The following FGF14 variants were observed in gnomAD, a reference collection of about 807,000 sequenced individuals.
FGF14 encodes the protein fibroblast growth factor 14.
Under a neutral mutation model 25.5 loss-of-function variants are expected in FGF14, and 5 were observed. That is an observed-to-expected ratio of 0.20 (90% CI 0.10 to 0.41). The LOEUF is 0.41. Among genes scored for constraint, FGF14 ranks in the 10% least tolerant of loss-of-function variants. The pLI, the probability that FGF14 is intolerant of heterozygous loss-of-function variation, is 1.00. For missense variants in FGF14, 222 were observed against 320.1 expected (o/e 0.69, Z 2.34); for synonymous variants, 138 against 118.3 (o/e 1.17, Z -1.08).
At chr13:102,330,559 T>C (rs1166218115) in intron 1 of FGF14, among the ~76,000 whole-genome samples, 1 of 152,192 alleles carries the variant, frequency 6.6e-6, no homozygotes, top group East Asian at 1.9e-4. Flanking sequence ...ACACTGCCTA[T>C]ATTCTTGCTC....
At chr13:102,161,632 AAGAAGAAGAAG>A (rs2047712155) in intron 1 of FGF14, among the ~76,000 whole-genome samples, 22 of 12,078 alleles carry the variant, frequency 1.8e-3, no homozygotes, top group Middle Eastern at 0.083. Flanking sequence ...GAAGAAGAAG[AAGAAGAAGAAG>A]AAGAAGAAGA....
chr13:102,225,934 C>T (rs1429435346), intron 1 of FGF14, among the ~76,000 whole-genome samples: 1 of 152,182 alleles, frequency 6.6e-6, no homozygotes, highest in East Asian at 1.9e-4. Flanking sequence ...GTCGTGGCCG[C>T]ATATTTATTC....
chr13:102,005,519 A>G (rs2039736972), intron 1 of FGF14, among the ~76,000 whole-genome samples: 1 of 152,198 alleles, frequency 6.6e-6, no homozygotes, highest in Non-Finnish European at 1.5e-5. Context: ...GACTGATGTT[A>G]GAAGTTTCTC....
chr13:102,335,020 C>T (rs1009992183), intron 1 of FGF14, among the ~76,000 whole-genome samples: 5 of 152,088 alleles, frequency 3.3e-5, no homozygotes, highest in African/African-American at 7.2e-5. Context: ...GCTTTTTTCC[C>T]GTCTATACCC....
intron 1 of FGF14, among the ~76,000 whole-genome samples, chr13:102,123,878 A>G (rs2045840650): frequency 5.9e-5 from 9 of 152,222 alleles, no homozygotes; most frequent in Admixed American, 5.9e-4. Flanking sequence ...TTTTGAGCCT[A>G]GAAACAGACA....
rs564863297 is a variant in FGF14, at chr13:102,338,784, C to T, written c.208+62687G>A. 3.9e-5 allele frequency among the ~76,000 whole-genome samples: 6 copies of T among 152,104 alleles called. No homozygotes were observed. In the South Asian group the frequency reaches 6.2e-4, roughly 16 times the overall value. On this transcript the variant is annotated intron_variant, in intron 1 of 4. Transcript: ENST00000376131. ...ATCCCAACACTTTGGGAGGCTGAGGCGGGTGGATTACTTGAGACTAGGAGC... is the reference window on the plus strand; with the variant it reads ...ATCCCAACACTTTGGGAGGCTGAGGTGGGTGGATTACTTGAGACTAGGAGC...
chr13:101,888,572 A>T (rs1191001511), intron 1 of FGF14, among the ~76,000 whole-genome samples: 2 of 152,146 alleles, frequency 1.3e-5, no homozygotes, highest in African/African-American at 4.8e-5. Flanking sequence ...AATTTAAATA[A>T]TTTTTAATCA....
At chr13:102,165,115 A>G (rs568883447) in intron 1 of FGF14, among the ~76,000 whole-genome samples, 1 of 152,264 alleles carries the variant, frequency 6.6e-6, no homozygotes, top group South Asian at 2.1e-4. Flanking sequence ...CCACAATGAG[A>G]TACCATCTCA....
At chr13:102,158,787 C>G (rs1032764140) in intron 1 of FGF14, among the ~76,000 whole-genome samples, 5 of 151,980 alleles carry the variant, frequency 3.3e-5, no homozygotes, top group Non-Finnish European at 7.4e-5. Context: ...GGGAATAGAC[C>G]AGGAAACTAC....
intron 3 of FGF14, 114 bp from the exon 4 acceptor site, chr13:101,726,924 G>A: frequency 1.3e-6 from 1 of 747,238 alleles, no homozygotes; most frequent in South Asian, 1.6e-5. Flanking sequence ...TGGCATGGAG[G>A]ACCGGATATA....
At chr13:101,834,637 A>G (rs2042834305) in intron 3 of FGF14, among the ~76,000 whole-genome samples, 1 of 152,064 alleles carries the variant, frequency 6.6e-6, no homozygotes, top group African/African-American at 2.4e-5. Flanking sequence ...CTCCATTCTC[A>G]ACAGGACAAT....
intron 1 of FGF14, among the ~76,000 whole-genome samples, chr13:102,197,784 A>G (rs1009212544): frequency 3.3e-5 from 5 of 152,148 alleles, no homozygotes; most frequent in African/African-American, 1.2e-4. Context: ...CAGTCTCCCA[A>G]CAGCCCATCC....
At chr13:101,940,279 A>G (rs1332491635) in intron 1 of FGF14, among the ~76,000 whole-genome samples, 2 of 152,210 alleles carry the variant, frequency 1.3e-5, no homozygotes, top group African/African-American at 4.8e-5. Flanking sequence ...AGGTCTCCCA[A>G]AAGAGGTCAC....
At chr13:101,769,930 G>A (rs898699452) in intron 3 of FGF14, among the ~76,000 whole-genome samples, 1 of 152,072 alleles carries the variant, frequency 6.6e-6, no homozygotes, top group Non-Finnish European at 1.5e-5. Flanking sequence ...ATAACACCAA[G>A]GATAAACCCT....
intron 1 of FGF14, among the ~76,000 whole-genome samples, chr13:102,095,434 A>C (rs2044350432): frequency 2.0e-5 from 3 of 152,194 alleles, no homozygotes. Flanking sequence ...GAGGCCCATG[A>C]AAACAAAGCA....
chr13:102,200,282 TATA>T lies in FGF14; in HGVS notation c.208+201186_208+201188del, dbSNP rs1470737931. 3.3e-5 allele frequency among the ~76,000 whole-genome samples: 5 copies of T among 152,306 alleles called. No homozygotes were observed. The South Asian group carries it at 6.2e-4, about 19-fold the overall frequency. On this transcript the variant is annotated intron_variant, in intron 1 of 4. Transcript: ENST00000376131. The stretch of plus-strand genomic sequence containing the variant: ...ATATATATAATTTTGTATACCCACA[TATA>T]ATAACTTTGAAAACTATAAAATGCT...
chr13:102,246,009 T>C (rs2051847440), intron 1 of FGF14, among the ~76,000 whole-genome samples: 1 of 152,072 alleles, frequency 6.6e-6, no homozygotes, highest in Non-Finnish European at 1.5e-5. Context: ...ATTACCAATG[T>C]TTTGTTTCAT....
At chr13:102,101,156 T>G (rs2044645843) in intron 1 of FGF14, among the ~76,000 whole-genome samples, 1 of 151,938 alleles carries the variant, frequency 6.6e-6, no homozygotes, top group Non-Finnish European at 1.5e-5. Flanking sequence ...ATCACACAGC[T>G]TTAGTGTTCA....
upstream of FGF14, among the ~76,000 whole-genome samples, chr13:101,920,892 A>G (rs1194687069): frequency 6.6e-6 from 1 of 152,196 alleles, no homozygotes; most frequent in Non-Finnish European, 1.5e-5. Context: ...GTCTATGAGA[A>G]AGTACTTCTA....
Sources: gnomAD v4.1 joint callset for allele counts (sites outside exome capture counted in the v4.1 genomes callset) on GRCh38, gnomAD v4.1.1 for gene constraint, MANE v1.5 for transcripts, NCBI Gene and HGNC (gene_info 2026-07-23, HGNC 2026-07-21) for gene names.